Variants in SLC16A7 observed in about 807,000 individuals in gnomAD.
SLC16A7 encodes the protein monocarboxylate transporter 2.
Under a neutral mutation model 34.9 loss-of-function variants are expected in SLC16A7, and 33 were observed. The ratio of observed to expected loss-of-function variants is 0.94; its 90% CI spans 0.72 to 1.26. The LOEUF (loss-of-function observed/expected upper bound fraction) is 1.26, where lower values mean the gene tolerates loss of function less well. Ranked by LOEUF, SLC16A7 falls within the 50% of genes most tolerant of loss-of-function variation. The pLI, the probability that SLC16A7 is intolerant of heterozygous loss-of-function variation, is 0.00. For synonymous variants in SLC16A7, 201 were observed against 206.6 expected (o/e 0.97, Z 0.23); for missense variants, 573 against 578.1 (o/e 0.99, Z 0.09).
At chr12:59,701,854 T>C (rs964915195) in intron 2 of SLC16A7, among the ~76,000 whole-genome samples, 1 of 151,784 alleles carries the variant, frequency 6.6e-6, no homozygotes, top group Non-Finnish European at 1.5e-5. Context: ...AAATAAATAA[T>C]CCAGTTGTAT....
At chr12:59,654,137 T>C (rs954610569) in intron 1 of SLC16A7, among the ~76,000 whole-genome samples, 1 of 151,312 alleles carries the variant, frequency 6.6e-6, no homozygotes, top group African/African-American at 2.4e-5. Context: ...TATTATGTGG[T>C]GCCATAGTTA....
chr12:59,608,679 A>G (rs1266092212), intron 1 of SLC16A7, among the ~76,000 whole-genome samples: 1 of 152,164 alleles, frequency 6.6e-6, no homozygotes, highest in Admixed American at 6.5e-5. Context: ...TTTACCATTA[A>G]ATTTCTAAGT....
intron 2 of SLC16A7, among the ~76,000 whole-genome samples, chr12:59,690,527 A>G (rs1871526665): frequency 1.3e-5 from 2 of 152,038 alleles, no homozygotes; most frequent in African/African-American, 4.8e-5. Flanking sequence ...ATAAAAAGAA[A>G]GAAGAGTGTA....
At chr12:59,711,070 G>A (rs946284337) in intron 3 of SLC16A7, among the ~76,000 whole-genome samples, 7 of 152,148 alleles carry the variant, frequency 4.6e-5, no homozygotes, top group African/African-American at 1.4e-4. Context: ...TATTCCCTAA[G>A]TTATACTTTG....
At chr12:59,628,031 T>G (rs1313830806) in intron 1 of SLC16A7, among the ~76,000 whole-genome samples, 1 of 151,808 alleles carries the variant, frequency 6.6e-6, no homozygotes, top group Non-Finnish European at 1.5e-5. Context: ...ACTAAACCCT[T>G]AAGACTCTGG....
chr12:59,671,821 G>GTATATGTA (rs531054971), intron 2 of SLC16A7, among the ~76,000 whole-genome samples: 1 of 137,116 alleles, frequency 7.3e-6, no homozygotes, highest in Non-Finnish European at 1.5e-5. Flanking sequence ...ATATATATGT[G>GTATATGTA]TATATGTATA....
intron 3 of SLC16A7, among the ~76,000 whole-genome samples, chr12:59,732,010 G>A (rs943975456): frequency 2.0e-5 from 3 of 151,926 alleles, no homozygotes; most frequent in Non-Finnish European, 2.9e-5. Flanking sequence ...GGTTGAATGG[G>A]ATAAACAAAA....
chr12:59,655,084 ATAT>A (rs1868467816), intron 1 of SLC16A7, 65 bp from the exon 2 acceptor site: 2 of 152,002 alleles, frequency 1.3e-5, no homozygotes, highest in Non-Finnish European at 1.5e-5. Flanking sequence ...GGAGTTGGAT[ATAT>A]TTTTCATTTT....
chr12:59,620,241 T>C (rs1879641118), intron 1 of SLC16A7, among the ~76,000 whole-genome samples: 1 of 151,928 alleles, frequency 6.6e-6, no homozygotes, highest in Non-Finnish European at 1.5e-5. Flanking sequence ...TGTTATTCTG[T>C]TTTGCCATAG....
At chr12:59,723,765 T>C (rs1619563) in intron 3 of SLC16A7, among the ~76,000 whole-genome samples, 18,638 of 152,030 alleles carry the variant, frequency 0.12, 1,493 homozygotes, top group African/African-American at 0.22. Flanking sequence ...ACAAATACTC[T>C]TATAAGATCT....
chr12:59,720,656 G>A (rs1393799840), intron 3 of SLC16A7, among the ~76,000 whole-genome samples: 1 of 151,982 alleles, frequency 6.6e-6, no homozygotes, highest in Non-Finnish European at 1.5e-5. Context: ...TCTTCCAGAA[G>A]CTCCCCAACT....
chr12:59,684,704 A>C (rs1396194310), intron 2 of SLC16A7, among the ~76,000 whole-genome samples: 1 of 152,168 alleles, frequency 6.6e-6, no homozygotes, highest in African/African-American at 2.4e-5. Context: ...GTCTAGGATG[A>C]TGGGCAGATA....
In SLC16A7 at chr12:59,779,817, A is replaced by G. The variant is rs1297247735; in HGVS notation, c.*138A>G. ...AAGGATGGAGGTGATATTTTCCTCA[A>G]TGGCAAATTTTAAATTAGTTTTTAA... On this transcript the variant is annotated 3_prime_UTR_variant, in exon 6 of 6. Coordinates refer to ENST00000547379, the MANE Select transcript of SLC16A7 (RefSeq NM_001270623.2). 1.6e-6 allele frequency: 1 copy of G among 641,416 alleles called. No homozygotes were observed. The highest frequency in any genetic ancestry group is 1.8e-5 in the African/African-American group (1 of 54,210). The allele number at this position is 641,416 out of a possible 1,614,324, so 39.7% of individuals were successfully genotyped here. A position where few individuals can be genotyped will look rare whatever the true frequency, so the allele number is the denominator to read the frequency against.
chr12:59,704,603 A>G (rs1873340108), intron 2 of SLC16A7, among the ~76,000 whole-genome samples, 169 bp from the exon 3 acceptor site: 1 of 152,188 alleles, frequency 6.6e-6, no homozygotes, highest in Non-Finnish European at 1.5e-5. Flanking sequence ...AACTTGCATC[A>G]ATTGTTTTTG....
intron 3 of SLC16A7, among the ~76,000 whole-genome samples, chr12:59,765,706 A>ACCAGT: frequency 6.6e-6 from 1 of 152,284 alleles, no homozygotes; most frequent in East Asian, 1.9e-4. Context: ...CTGTTTTGGT[A>ACCAGT]CCAGTATCAT....
intron 2 of SLC16A7, among the ~76,000 whole-genome samples, chr12:59,665,926 G>T (rs1218898012): frequency 1.3e-5 from 2 of 151,672 alleles, no homozygotes; most frequent in African/African-American, 4.8e-5. Flanking sequence ...CAAAAAGCTT[G>T]CTTTGGCTGG....
intron 3 of SLC16A7, among the ~76,000 whole-genome samples, chr12:59,751,506 A>T (rs572153719): frequency 6.6e-6 from 1 of 152,308 alleles, no homozygotes; most frequent in African/African-American, 2.4e-5. Flanking sequence ...GATTGCTAGC[A>T]CGGCAGTCTG....
chr12:59,733,925 G>A, intron 3 of SLC16A7: 1 of 428,864 alleles, frequency 2.3e-6, no homozygotes, highest in South Asian at 1.7e-5. Flanking sequence ...CCTGACGTCT[G>A]TGTGAGTCTG....
intron 1 of SLC16A7, among the ~76,000 whole-genome samples, chr12:59,637,309 A>C (rs1419096232): frequency 6.6e-6 from 1 of 152,128 alleles, no homozygotes; most frequent in East Asian, 1.9e-4. Flanking sequence ...AGCTCAAAAG[A>C]AACTGGTAAA....
Sources: gnomAD v4.1 joint callset for allele counts (sites outside exome capture counted in the v4.1 genomes callset) on GRCh38, gnomAD v4.1.1 for gene constraint, MANE v1.5 for transcripts, NCBI Gene and HGNC (gene_info 2026-07-23, HGNC 2026-07-21) for gene names.